NDEL1: variants seen among roughly 807,000 people sequenced by gnomAD.
The protein encoded by NDEL1 is nuclear distribution protein nudE-like 1.
In NDEL1, 9 loss-of-function variants were observed where a neutral mutation model predicts 45.7. That is an observed-to-expected ratio of 0.20 (90% CI 0.12 to 0.34). NDEL1 has a LOEUF of 0.34. NDEL1 is among the 10% of genes least tolerant of loss of function. The pLI is 1.00. For synonymous variants in NDEL1, 133 were observed against 158.6 expected (o/e 0.84, Z 1.21); for missense variants, 306 against 406.2 (o/e 0.75, Z 2.12).
At chr17:8,426,977 C>T (rs980988838) in intron 1 of NDEL1, among the ~76,000 whole-genome samples, 1 of 152,172 alleles carries the variant, frequency 6.6e-6, no homozygotes, top group Admixed American at 6.5e-5. Context: ...CTACACCTGG[C>T]GGCCTGCACA....
chr17:8,470,532 C>CT (rs1911809737), downstream of NDEL1, among the ~76,000 whole-genome samples: 1 of 152,182 alleles, frequency 6.6e-6, no homozygotes, highest in Non-Finnish European at 1.5e-5. The surrounding 1 kb of genome is among the most constrained non-coding windows in gnomAD (Gnocchi z 4.2). Flanking sequence ...AAGCTGGGAC[C>CT]TTGAGTCACA....
chr17:8,436,933 C>G (rs1236830743), intron 1 of NDEL1, among the ~76,000 whole-genome samples: 1 of 152,156 alleles, frequency 6.6e-6, no homozygotes, highest in African/African-American at 2.4e-5. Context: ...GCTCGGAGTT[C>G]TGGTTTCTTT....
intron 8 of NDEL1, chr17:8,464,684 G>A (rs1301904646): frequency 6.6e-6 from 1 of 152,264 alleles, no homozygotes; most frequent in African/African-American, 2.4e-5. Context: ...GCCTGCATTG[G>A]AGTGCCGAAG....
At chr17:8,452,669 CTCTT>C (rs545929487) in intron 6 of NDEL1, among the ~76,000 whole-genome samples, 3,175 of 149,882 alleles carry the variant, frequency 0.021, 39 homozygotes, top group Non-Finnish European at 0.03. Context: ...ATGTTTGTTT[CTCTT>C]TCTTTCTTTC....
At chr17:8,472,049 TCTGG>T (rs532539109), downstream of NDEL1, among the ~76,000 whole-genome samples, 864 of 152,292 alleles carry the variant, frequency 5.7e-3, 6 homozygotes, top group Middle Eastern at 0.058. Context: ...TGGAGCCTGT[TCTGG>T]CTTTTTTCTT....
intron 1 of NDEL1, among the ~76,000 whole-genome samples, chr17:8,419,080 C>T (rs562375939): frequency 1.3e-5 from 2 of 152,108 alleles, no homozygotes; most frequent in Admixed American, 6.6e-5. Context: ...GAACTCCTGG[C>T]CTCAAACAAT....
chr17:8,462,713 C>T (rs1313766933), intron 8 of NDEL1: 1 of 152,256 alleles, frequency 6.6e-6, no homozygotes, highest in Admixed American at 6.5e-5. Flanking sequence ...CCTCTCACTC[C>T]TGAGGAGTCT....
chr17:8,431,788 GA>G (rs1340555149), upstream of NDEL1: 6 of 151,900 alleles, frequency 3.9e-5, no homozygotes, highest in African/African-American at 1.5e-4. Flanking sequence ...GAGAACTTCG[GA>G]AAGTTCATAG....
intron 1 of NDEL1, among the ~76,000 whole-genome samples, chr17:8,413,586 G>A (rs1908473963): frequency 6.6e-6 from 1 of 152,136 alleles, no homozygotes; most frequent in South Asian, 2.1e-4. Context: ...GGTTGCAGAG[G>A]GAGTTCATAG....
At chr17:8,472,294 A>T (rs1361261859), downstream of NDEL1, among the ~76,000 whole-genome samples, 1 of 152,174 alleles carries the variant, frequency 6.6e-6, no homozygotes, top group African/African-American at 2.4e-5. Flanking sequence ...GGTGACACAA[A>T]GATGTGACAA....
chr17:8,472,649 C>T (rs1056278568), downstream of NDEL1, among the ~76,000 whole-genome samples: 8 of 151,816 alleles, frequency 5.3e-5, no homozygotes, highest in East Asian at 9.7e-4. Flanking sequence ...GGAGACAGAG[C>T]GCGACTCTGT....
chr17:8,442,555 C>T lies in NDEL1; in HGVS notation c.-12-1705C>T, dbSNP rs546343954. 2.6e-5 allele frequency among the ~76,000 whole-genome samples: 4 copies of T among 152,142 alleles called. No individual in the cohort carries two copies. The South Asian group carries it at 8.3e-4, about 32-fold the overall frequency. On this transcript the variant is annotated intron_variant, in intron 1 of 8. Transcript: ENST00000334527. ...CTTCTGGGCTCAAGCAGTCCTCCTG[C>T]CTCAGCCTCCCCATGTGTTGGGATT...
chr17:8,434,089 C>T (rs1909093247), upstream of NDEL1, among the ~76,000 whole-genome samples: 1 of 152,148 alleles, frequency 6.6e-6, no homozygotes, highest in South Asian at 2.1e-4. Context: ...TGTGTTCACA[C>T]CCACAAATCC....
At chr17:8,463,453 C>A in intron 8 of NDEL1, 1 of 1,165,160 alleles carries the variant, frequency 8.6e-7, no homozygotes, top group Non-Finnish European at 1.3e-6. Flanking sequence ...CTGCATGGGG[C>A]TGACTCAGCT....
chr17:8,438,941 T>C (rs78226164), intron 1 of NDEL1, among the ~76,000 whole-genome samples: 1 of 41,634 alleles, frequency 2.4e-5, no homozygotes, highest in African/African-American at 7.0e-5. Flanking sequence ...GCTTTGTTCT[T>C]TTTTTTTTTT....
intron 1 of NDEL1, among the ~76,000 whole-genome samples, chr17:8,430,112 G>A (rs1346457805): frequency 6.6e-6 from 1 of 152,112 alleles, no homozygotes; most frequent in Non-Finnish European, 1.5e-5. Flanking sequence ...GGCACCATTG[G>A]CAGAAACATG....
chr17:8,458,473 G>A (rs1361093012), intron 7 of NDEL1, among the ~76,000 whole-genome samples: 4 of 152,024 alleles, frequency 2.6e-5, no homozygotes, highest in Admixed American at 6.6e-5. Context: ...TGTGCCTGCC[G>A]TGTGATAGAT....
chr17:8,452,599 A>G (rs1023077928), intron 6 of NDEL1, among the ~76,000 whole-genome samples: 1 of 152,196 alleles, frequency 6.6e-6, no homozygotes, highest in African/African-American at 2.4e-5. Context: ...AGAAATCGGT[A>G]AGATCTTAGA....
chr17:8,435,977 C>T lies in NDEL1; in HGVS notation c.-81C>T. 1 of 447,492 alleles carries T rather than the reference C, an allele frequency of 2.2e-6. No individual in the cohort carries two copies. Among genetic ancestry groups the T allele is most frequent in the South Asian group, 1.6e-5 (1 of 63,800 alleles). The allele number at this position is 447,492 out of a possible 1,614,324, so 27.7% of individuals were successfully genotyped here. ...GAGCTGAGCCGAGCGGCTGGGCGGG[C>T]CTGGCCGGGCCGGCGGAGGGGAGAC... On this transcript the variant is annotated 5_prime_UTR_variant, in exon 1 of 9. Coordinates refer to ENST00000334527, the MANE Select transcript of NDEL1 (RefSeq NM_030808.5).
Sources: gnomAD v4.1 joint callset for allele counts (sites outside exome capture counted in the v4.1 genomes callset) on GRCh38, gnomAD v4.1.1 for gene constraint, Gnocchi (gnomAD v3.1) non-coding constraint, MANE v1.5 for transcripts, NCBI Gene and HGNC (gene_info 2026-07-23, HGNC 2026-07-21) for gene names.